Variants in TSNARE1 observed in about 807,000 individuals in gnomAD.
TSNARE1 encodes t-SNARE domain containing 1.
A neutral mutation model predicts 62.0 loss-of-function variants in TSNARE1; 49 were observed. The observed-to-expected ratio is 0.79, with a 90% CI of 0.63 to 1.00. TSNARE1 has a LOEUF of 1.00. Ranked by LOEUF, TSNARE1 falls within the 50% of genes least tolerant of loss-of-function variation. TSNARE1 has a pLI of 0.00. For missense variants in TSNARE1, 755 were observed against 700.1 expected, an observed-to-expected ratio of 1.08 and a Z score of -0.88; for synonymous variants, 328 against 294.4, an observed-to-expected ratio of 1.11 and a Z score of -1.17.
intron 1 of TSNARE1, among the ~76,000 whole-genome samples, chr8:142,366,968 T>C (rs1835593429): frequency 6.6e-6 from 1 of 152,154 alleles, no homozygotes; most frequent in African/African-American, 2.4e-5. Context: ...AGCCTTCACA[T>C]ATACAGAAAC....
chr8:142,369,420 A>C (rs542406415), intron 1 of TSNARE1, among the ~76,000 whole-genome samples: 1 of 152,344 alleles, frequency 6.6e-6, no homozygotes, highest in Non-Finnish European at 1.5e-5. Context: ...CCTATAATTG[A>C]AGTCAAAATC....
chr8:142,282,050 C>T (rs1442297520), intron 11 of TSNARE1, among the ~76,000 whole-genome samples: 1 of 152,242 alleles, frequency 6.6e-6, no homozygotes, highest in Non-Finnish European at 1.5e-5. Context: ...ACCCGGGCAC[C>T]CCTGCTGCTT....
chr8:142,260,280 C>G (rs1818791729), intron 12 of TSNARE1, among the ~76,000 whole-genome samples: 1 of 152,118 alleles, frequency 6.6e-6, no homozygotes. Flanking sequence ...AGCTCAGAGC[C>G]TGAGAGCCAC....
At chr8:142,284,875 C>T (rs1335861975) in intron 10 of TSNARE1, among the ~76,000 whole-genome samples, 1 of 152,212 alleles carries the variant, frequency 6.6e-6, no homozygotes, top group East Asian at 1.9e-4. Context: ...ACTGTAAAGG[C>T]CTGACTGCAA....
chr8:142,284,204 G>A (rs1304269160), intron 11 of TSNARE1, among the ~76,000 whole-genome samples: 5 of 152,210 alleles, frequency 3.3e-5, no homozygotes, highest in African/African-American at 7.2e-5. Flanking sequence ...GTCAATGAGC[G>A]GAGCAGGGAC....
chr8:142,370,854 A>AC (rs1326556049), intron 1 of TSNARE1, among the ~76,000 whole-genome samples: 2 of 149,042 alleles, frequency 1.3e-5, no homozygotes, highest in Admixed American at 6.6e-5. Flanking sequence ...AAAACAAAAA[A>AC]AAAAAAACCT....
chr8:142,283,562 C>G (rs1299509194), intron 11 of TSNARE1, among the ~76,000 whole-genome samples: 1 of 118,066 alleles, frequency 8.5e-6, no homozygotes, highest in Non-Finnish European at 1.7e-5. Context: ...TGAGCAGAGG[C>G]GGAGTTAGTG....
chr8:142,388,512 A>AG (rs1194754302), intron 1 of TSNARE1, among the ~76,000 whole-genome samples: 1 of 150,680 alleles, frequency 6.6e-6, no homozygotes, highest in African/African-American at 2.4e-5. Flanking sequence ...AAAAAAAAAA[A>AG]AAAAAGAAGA....
intron 9 of TSNARE1, 93 bp from the exon 10 acceptor site, chr8:142,300,737 T>G: frequency 6.8e-7 from 1 of 1,475,138 alleles, no homozygotes; most frequent in South Asian, 1.3e-5. Context: ...GCTTTTCCCT[T>G]CACTATCCCC....
intron 7 of TSNARE1, among the ~76,000 whole-genome samples, chr8:142,318,071 C>A (rs566529420): frequency 1.6e-4 from 24 of 152,298 alleles, no homozygotes; most frequent in African/African-American, 5.8e-4. Flanking sequence ...GCCACTGCCA[C>A]GGCCATATGT....
chr8:142,276,835 T>C, intron 11 of TSNARE1: 1 of 985,386 alleles, frequency 1.0e-6, no homozygotes. Flanking sequence ...GGGGCATTCT[T>C]AGCCAGCATG....
chr8:142,350,415 A>G (rs1833954947), intron 2 of TSNARE1, among the ~76,000 whole-genome samples: 1 of 152,250 alleles, frequency 6.6e-6, no homozygotes, highest in Admixed American at 6.5e-5. Flanking sequence ...GAAGAAACAG[A>G]AAGCCTGAAT....
rs80103943 is a variant in TSNARE1 at position 142,359,595 on chromosome 8, A to G, written c.-39-4832T>C. Among the ~76,000 whole-genome samples the G allele has an allele frequency of 6.0e-3, 917 of 152,132 alleles. 10 individuals are homozygous for G. The highest frequency in any genetic ancestry group is 0.021 in the African/African-American group (860 of 41,486). ...ATGAGGAGGTTCTCTCATGCAACCC[A>G]TTCACGGGGGAGCCAGGGAAATCTC... On this transcript the variant is annotated intron_variant, in intron 1 of 13. Transcript: ENST00000524325.
chr8:142,283,146 T>C (rs1413480798), intron 11 of TSNARE1, among the ~76,000 whole-genome samples: 18 of 142,044 alleles, frequency 1.3e-4, no homozygotes, highest in South Asian at 2.3e-4. Flanking sequence ...CCAGTGTCTG[T>C]CAATGAGCAG....
At chr8:142,281,287 G>A (rs1821406603) in intron 11 of TSNARE1, among the ~76,000 whole-genome samples, 1 of 152,156 alleles carries the variant, frequency 6.6e-6, no homozygotes, top group Non-Finnish European at 1.5e-5. Context: ...GCCAGAGCCA[G>A]GAGCCTCTGC....
At chr8:142,256,285 ATCATCACCACAC>A in intron 12 of TSNARE1, among the ~76,000 whole-genome samples, 3 of 134,684 alleles carry the variant, frequency 2.2e-5, no homozygotes, top group African/African-American at 2.8e-5. Context: ...CACCATTACC[ATCATCACCACAC>A]CCACCACCAC....
At chr8:142,335,228 T>C (rs972109695) in intron 4 of TSNARE1, among the ~76,000 whole-genome samples, 2 of 152,036 alleles carry the variant, frequency 1.3e-5, no homozygotes, top group Non-Finnish European at 2.9e-5. Context: ...ATGTTATAAA[T>C]GACATGTGAT....
intron 1 of TSNARE1, among the ~76,000 whole-genome samples, chr8:142,374,948 G>A (rs78325369): frequency 0.011 from 1,613 of 152,246 alleles, 33 homozygotes; most frequent in African/African-American, 0.037. Context: ...GGGACCCGGC[G>A]CCAGGCAGGT....
chr8:142,373,367 C>T (rs1306565147), intron 1 of TSNARE1, among the ~76,000 whole-genome samples: 1 of 152,074 alleles, frequency 6.6e-6, no homozygotes, highest in Non-Finnish European at 1.5e-5. Flanking sequence ...CCCTGACTGG[C>T]GGCTGGGAGA....
Sources: allele counts gnomAD v4.1 joint callset (sites outside exome capture counted in the v4.1 genomes callset), GRCh38; gene constraint gnomAD v4.1.1; transcripts MANE v1.5; gene names NCBI Gene and HGNC (gene_info 2026-07-23, HGNC 2026-07-21).